Variants in CDH13 observed in about 807,000 individuals in gnomAD.
The protein encoded by CDH13 is cadherin-13.
CDH13 carries 24 observed loss-of-function variants against 63.8 expected under a neutral mutation model. The observed-to-expected ratio is 0.38, with a 90% CI of 0.27 to 0.53. The LOEUF is 0.53. CDH13 is among the 20% of genes least tolerant of loss of function. The pLI is 0.85. For synonymous variants in CDH13, 503 were observed against 355.3 expected, an observed-to-expected ratio of 1.42 and a Z score of -4.67; for missense variants, 1,049 against 903.1, an observed-to-expected ratio of 1.16 and a Z score of -2.07.
chr16:83,462,483 G>A (rs2073205948), intron 6 of CDH13, among the ~76,000 whole-genome samples: 2 of 152,248 alleles, frequency 1.3e-5, no homozygotes, highest in Non-Finnish European at 2.9e-5. Context: ...AAGGTGCAGT[G>A]GCTTACGCCT....
At chr16:83,648,231 C>T (rs553936962) in intron 8 of CDH13, among the ~76,000 whole-genome samples, 1 of 152,114 alleles carries the variant, frequency 6.6e-6, no homozygotes, top group South Asian at 2.1e-4. Context: ...GCCGTGTGTT[C>T]TCAGAGTCAC....
chr16:83,332,367 A>G (rs897828142), intron 5 of CDH13, among the ~76,000 whole-genome samples: 1 of 152,136 alleles, frequency 6.6e-6, no homozygotes, highest in Non-Finnish European at 1.5e-5. Context: ...ATTAGACTAT[A>G]CTTTAAATTT....
chr16:83,379,938 T>TATATATATAG lies in CDH13; in HGVS notation c.781+34933_781+34934insTATATATAGA. ...GTGTGTGTATATATATATATATATA[T>TATATATATAG]AGAGAGAGAGAGAGAGAGAGAGAGA... is the stretch of plus-strand genomic sequence containing the variant. On this transcript the variant is annotated intron_variant, in intron 6 of 13. Transcript: ENST00000567109. Among the ~76,000 whole-genome samples the TATATATATAG allele has an allele frequency of 1.6e-3, 197 of 123,446 alleles. 1 individual carries two copies. Among genetic ancestry groups the TATATATATAG allele is most frequent in the African/African-American group, 6.1e-3 (188 of 30,726 alleles). 81.0% of individuals were successfully genotyped at this position (123,446 alleles called of 152,430 possible). A position where few individuals can be genotyped will look rare whatever the true frequency, so the allele number is the denominator to read the frequency against.
chr16:83,426,447 G>A (rs1405027217), intron 6 of CDH13, among the ~76,000 whole-genome samples: 1 of 151,262 alleles, frequency 6.6e-6, no homozygotes, highest in Non-Finnish European at 1.5e-5. Flanking sequence ...ATCTCCTCCT[G>A]GACCATAACC....
intron 10 of CDH13, among the ~76,000 whole-genome samples, chr16:83,699,254 C>G (rs1217671669): frequency 6.6e-6 from 1 of 152,188 alleles, no homozygotes; most frequent in African/African-American, 2.4e-5. Context: ...TGCCAATATT[C>G]AAAATAGCAC....
chr16:82,752,107 A>T (rs940391266), intron 1 of CDH13, among the ~76,000 whole-genome samples: 9 of 152,234 alleles, frequency 5.9e-5, no homozygotes, highest in African/African-American at 2.2e-4. Flanking sequence ...CATGGGAAAC[A>T]AGTGTTATTT....
Position 83,659,677 on chromosome 16 carries a change from A to T in CDH13, c.1102-11113A>T, listed in dbSNP as rs533632268. 2.0e-5 allele frequency among the ~76,000 whole-genome samples: 3 copies of T among 152,256 alleles called. No individual in the cohort carries two copies. In the South Asian group the frequency reaches 6.2e-4, roughly 32 times the overall value. ...TTTTAATGTGTAGTCAGGGTTAAGA[A>T]TGACAGCTTTAGTCTGATACCCTTT... On this transcript the variant is annotated intron_variant, in intron 8 of 13. Transcript: ENST00000567109.
At chr16:83,514,028 A>G (rs1347710884) in intron 7 of CDH13, among the ~76,000 whole-genome samples, 2 of 152,224 alleles carry the variant, frequency 1.3e-5, no homozygotes, top group Non-Finnish European at 2.9e-5. Context: ...ATTGAAAGTA[A>G]AATGAAACTA....
intron 1 of CDH13, among the ~76,000 whole-genome samples, chr16:82,813,842 C>T (rs372468478): frequency 2.6e-5 from 4 of 152,172 alleles, no homozygotes; most frequent in African/African-American, 2.4e-5. Flanking sequence ...GTCTTGGTTT[C>T]AAGTATTAGC....
intron 2 of CDH13, among the ~76,000 whole-genome samples, chr16:82,964,095 G>A (rs572629866): frequency 6.6e-6 from 1 of 152,274 alleles, no homozygotes; most frequent in East Asian, 1.9e-4. Flanking sequence ...CTCAGACGCT[G>A]GAACAGGAGC....
At chr16:82,903,426 A>G (rs528413711) in intron 2 of CDH13, among the ~76,000 whole-genome samples, 1 of 152,312 alleles carries the variant, frequency 6.6e-6, no homozygotes, top group African/African-American at 2.4e-5. Context: ...TTGCTCACAC[A>G]TAAGTGGGAG....
At chr16:83,592,285 T>C (rs955308433) in intron 7 of CDH13, among the ~76,000 whole-genome samples, 3 of 152,220 alleles carry the variant, frequency 2.0e-5, no homozygotes, top group African/African-American at 4.8e-5. Flanking sequence ...TAAACCTTAA[T>C]TGGTATTAAT....
rs934293335 is a variant in CDH13 at position 82,817,911 on chromosome 16, A to G, written c.46-40451A>G. On this transcript the variant is annotated intron_variant, in intron 1 of 13. Transcript: ENST00000567109. ...TGTTTACATACAAATGCATGCATACATGCACATATGCACACACCTATAATT... is the reference window on the plus strand; with the variant it reads ...TGTTTACATACAAATGCATGCATACGTGCACATATGCACACACCTATAATT... 5.3e-5 allele frequency among the ~76,000 whole-genome samples: 8 copies of G among 152,116 alleles called. No individual in the cohort carries two copies. The East Asian group carries it at 1.4e-3, about 26-fold the overall frequency.
At chr16:83,274,504 AC>A (rs1232396200) in intron 5 of CDH13, among the ~76,000 whole-genome samples, 1 of 152,130 alleles carries the variant, frequency 6.6e-6, no homozygotes. Context: ...GTTTGAACTT[AC>A]CTTTGTGAGG....
intron 2 of CDH13, among the ~76,000 whole-genome samples, chr16:83,011,174 G>C (rs1338912805): frequency 6.6e-6 from 1 of 152,122 alleles, no homozygotes; most frequent in African/African-American, 2.4e-5. Context: ...AAGCCAAGCA[G>C]GTTGTTTGGA....
At chr16:83,056,843 C>T (rs959972672) in intron 3 of CDH13, among the ~76,000 whole-genome samples, 1 of 152,192 alleles carries the variant, frequency 6.6e-6, no homozygotes, top group Non-Finnish European at 1.5e-5. Context: ...GTTCCCTACA[C>T]ACGCTCTCTT....
intron 1 of CDH13, among the ~76,000 whole-genome samples, chr16:82,658,361 A>G (rs1410327971): frequency 6.6e-6 from 1 of 152,216 alleles, no homozygotes; most frequent in Non-Finnish European, 1.5e-5. Flanking sequence ...TTAAAGATTT[A>G]GCTGTCCCAT....
chr16:83,627,754 T>A (rs148831484), intron 8 of CDH13, among the ~76,000 whole-genome samples: 1 of 152,206 alleles, frequency 6.6e-6, no homozygotes, highest in Non-Finnish European at 1.5e-5. Flanking sequence ...GGTTCTTGGA[T>A]CTTACACAAG....
At chr16:83,590,086 A>G (rs1195512816) in intron 7 of CDH13, among the ~76,000 whole-genome samples, 1 of 152,194 alleles carries the variant, frequency 6.6e-6, no homozygotes, top group African/African-American at 2.4e-5. Context: ...GAGAACAAAC[A>G]GATGAGGCCA....
Sources: gnomAD v4.1 joint callset for allele counts (sites outside exome capture counted in the v4.1 genomes callset) on GRCh38, gnomAD v4.1.1 for gene constraint, MANE v1.5 for transcripts, NCBI Gene and HGNC (gene_info 2026-07-23, HGNC 2026-07-21) for gene names.